FPGS: variants seen among roughly 807,000 people sequenced by gnomAD.
FPGS encodes the protein folylpolyglutamate synthase, also known as folylpolyglutamate synthase, mitochondrial.
FPGS carries 53 observed loss-of-function variants against 66.5 expected under a neutral mutation model. The observed-to-expected ratio is 0.80, with a 90% CI of 0.64 to 1.00. The LOEUF is 1.00. Ranked by LOEUF, FPGS falls within the 50% of genes least tolerant of loss-of-function variation. FPGS has a pLI of 0.00. For missense variants in FPGS, 702 were observed against 807.7 expected, an observed-to-expected ratio of 0.87 and a Z score of 1.59; for synonymous variants, 348 against 350.9, an observed-to-expected ratio of 0.99 and a Z score of 0.09.
rs1476093373 is a variant in FPGS, at chr9:127,802,901, A to G, written c.-24A>G. On this transcript the variant is annotated 5_prime_UTR_variant, in exon 1 of 15. Coordinates refer to ENST00000373247, the MANE Select transcript of FPGS (RefSeq NM_004957.6). ...CGGGGCGTCTCCCGCCCGGGCCTAG[A>G]GCGCTGCCGGGGGCGCCGGGACTAT... The G allele has an allele frequency of 8.2e-6, 11 of 1,341,770 alleles. No homozygotes were observed. The highest frequency in any genetic ancestry group is 1.8e-5 in the South Asian group (1 of 55,340). The allele number at this position is 1,341,770 out of a possible 1,614,324, so 83.1% of individuals were successfully genotyped here. A position where few individuals can be genotyped will look rare whatever the true frequency, so the allele number is the denominator to read the frequency against.
intron 13 of FPGS, 66 bp downstream of exon 13, chr9:127,810,172 T>A: frequency 2.2e-6 from 3 of 1,350,866 alleles, no homozygotes; most frequent in Non-Finnish European, 3.2e-6. Context: ...GGTGTGACCC[T>A]GGGGGGTGCC....
chr9:127,802,999 G>C lies in FPGS; in HGVS notation c.75G>C (p.Gln25His). The change falls in exon 1 of 15, where the codon CAG becomes CAC. Residue 25 changes from glutamine to histidine, a missense_variant. Physicochemically the swap from Gln to His is conservative, Grantham distance 24 (BLOSUM62 0). Around this residue, in one of 3 missense-constraint regions of FPGS, gnomAD observed 111 missense variants for 95.4 expected, o/e 1.16. Coordinates refer to ENST00000373247, the MANE Select transcript of FPGS (RefSeq NM_004957.6). ...AAASARGITT[Q>H]VAARRGLSAW... ...CGTCTGCGCGCGGCATAACGACCCA[G>C]GTCGCGGCGCGGCGGGGCTTGAGCG... 2 of 1,466,628 alleles carry C rather than the reference G, an allele frequency of 1.4e-6. No homozygotes were observed. Among genetic ancestry groups the C allele is most frequent in the Non-Finnish European group, 1.8e-6 (2 of 1,117,908 alleles). 90.9% of individuals were successfully genotyped at this position (1,466,628 alleles called of 1,614,324 possible). A position where few individuals can be genotyped will look rare whatever the true frequency, so the allele number is the denominator to read the frequency against.
chr9:127,806,422 C>T (rs1192972293), intron 4 of FPGS: 1 of 155,410 alleles, frequency 6.4e-6, no homozygotes, highest in Non-Finnish European at 1.4e-5. Context: ...ATGAGAAACG[C>T]TTGAACCTGG....
chr9:127,808,752 G>A (rs1188591943), intron 10 of FPGS, 47 bp downstream of exon 10: 1 of 1,558,098 alleles, frequency 6.4e-7, no homozygotes, highest in Admixed American at 1.9e-5. Flanking sequence ...CACCTGTGGA[G>A]CCTGCCTAGG....
chr9:127,812,102 A>G (rs1402327088), intron 14 of FPGS, among the ~76,000 whole-genome samples: 1 of 152,100 alleles, frequency 6.6e-6, no homozygotes, highest in Non-Finnish European at 1.5e-5. Flanking sequence ...TAGAAGAATT[A>G]GCCAGGTGTG....
intron 14 of FPGS, 29 bp downstream of exon 14, chr9:127,811,040 G>A (rs1474895770): frequency 7.7e-6 from 11 of 1,434,570 alleles, no homozygotes; most frequent in East Asian, 2.4e-5. Flanking sequence ...GGCCCCTGGG[G>A]ATGAGCAGGG....
At position 127,807,237 on chromosome 9, in the gene FPGS, A is replaced by C. The variant is rs758650362; in HGVS notation, c.530A>C (p.Tyr177Ser). ...GGCAGCTGTGTCTCCATGCCCCCCT[A>C]CTTCCGCTTCCTGACACTCATGGCC... ...KDGSCVSMPP[Y>S]FRFLTLMAFH... is the part of the protein sequence containing the mutation. The change falls in exon 6 of 15, where the codon TAC becomes TCC. Residue 177 changes from tyrosine (Y) to serine (S), a missense_variant. Physicochemically the swap from Tyr to Ser is moderately radical, Grantham distance 144. This residue lies in a region of FPGS where 240 missense variants were observed against 348.6 expected (regional missense o/e 0.69). Coordinates refer to ENST00000373247, the MANE Select transcript of FPGS (RefSeq NM_004957.6). The surrounding 1 kb of genome is among the most constrained non-coding windows in gnomAD (Gnocchi z 5.8). The C allele has an allele frequency of 6.2e-7, 1 of 1,614,042 alleles. No individual in the cohort carries two copies. The highest frequency in any genetic ancestry group is 1.1e-5 in the South Asian group (1 of 91,078).
At chr9:127,809,856 G>A in intron 12 of FPGS, 22 bp downstream of exon 12, 2 of 1,413,770 alleles carry the variant, frequency 1.4e-6, no homozygotes, top group Non-Finnish European at 9.4e-7. Context: ...GGCTGGGGGT[G>A]GGGCCGGGGC....
Position 127,813,598 on chromosome 9 carries a change from C to G in FPGS, c.1758C>G (p.Ser586=). The change falls in exon 15 of 15, where the codon TCC becomes TCG. Residue 586 remains serine (S), a synonymous_variant. Transcript: ENST00000373247. ...TGAAGCTGCTGGAGCCCGCACTGTC[C>G]CAGTAGCCAAGGCCCGGGGTTGGAG... ...GVLKLLEPAL[S]Q 1 of 1,518,336 alleles carries G rather than the reference C, an allele frequency of 6.6e-7. No homozygotes were observed. The allele number at this position is 1,518,336 out of a possible 1,614,324, so 94.1% of individuals were successfully genotyped here. A position where few individuals can be genotyped will look rare whatever the true frequency, so the allele number is the denominator to read the frequency against.
At chr9:127,810,127 T>A in intron 13 of FPGS, 21 bp downstream of exon 13, 1 of 1,608,846 alleles carries the variant, frequency 6.2e-7, no homozygotes, top group Non-Finnish European at 8.5e-7. Context: ...AACTTGGGGG[T>A]GGGCGGCAGG....
Position 127,813,877 on chromosome 9 carries a change from C to G in FPGS, c.*273C>G. ...GTTCAGCCTGTCTCCCCCAACACCC[C>G]GCCTGCCTCCTGGCTCAGGCCCAGC... On this transcript the variant is annotated 3_prime_UTR_variant, in exon 15 of 15. Transcript: ENST00000373247. 8.3e-7 allele frequency: 1 copy of G among 1,206,460 alleles called. No homozygotes were observed. The highest frequency in any genetic ancestry group is 1.0e-6 in the Non-Finnish European group (1 of 972,040). 74.7% of individuals were successfully genotyped at this position (1,206,460 alleles called of 1,614,324 possible).
rs763326521 is a variant in FPGS at position 127,808,537 on chromosome 9, G to C, written c.823-21G>C. The C allele has an allele frequency of 1.9e-6, 3 of 1,611,500 alleles. No homozygotes were observed. The South Asian group carries it at 3.3e-5, about 18-fold the overall frequency. ...GGTCAGGGAGGGCCTCTGCTGACCCGCTCCTGCCTGTCTCCCCTAGTGTCC... is the reference window on the plus strand; with the variant it reads ...GGTCAGGGAGGGCCTCTGCTGACCCCCTCCTGCCTGTCTCCCCTAGTGTCC... On this transcript the variant is annotated intron_variant, in intron 9 of 14. Coordinates refer to ENST00000373247, the MANE Select transcript of FPGS (RefSeq NM_004957.6).
chr9:127,805,896 T>G (rs890457062), intron 4 of FPGS, among the ~76,000 whole-genome samples: 3 of 152,246 alleles, frequency 2.0e-5, no homozygotes, highest in Non-Finnish European at 2.9e-5. Flanking sequence ...TCACTCTTCC[T>G]GTGCCACGCA....
In FPGS at chr9:127,807,277, C is replaced by G; in HGVS notation, c.570C>G (p.Leu190=). The G allele has an allele frequency of 6.2e-7, 1 of 1,614,154 alleles. No individual in the cohort carries two copies. Among genetic ancestry groups the G allele is most frequent in the Non-Finnish European group, 8.5e-7 (1 of 1,180,014 alleles). ...FLTLMAFHVF[L]QEKVDLAVVE... Reference sequence around the variant, plus strand: ...CACTCATGGCCTTCCACGTCTTCCTCCAAGAGAAGGTGTGTGCCCTCTCCC... The same window carrying G: ...CACTCATGGCCTTCCACGTCTTCCTGCAAGAGAAGGTGTGTGCCCTCTCCC... Residue 190 remains leucine (L), a synonymous_variant, in exon 6 of 15, where the codon CTC becomes CTG. Coordinates refer to ENST00000373247, the MANE Select transcript of FPGS (RefSeq NM_004957.6). This position sits in a 1 kb window ranked among gnomAD's most constrained non-coding sequence, Gnocchi z 5.8.
At chr9:127,805,108 C>T (rs1966227) in intron 4 of FPGS, among the ~76,000 whole-genome samples, 8,431 of 151,964 alleles carry the variant, frequency 0.055, 757 homozygotes, top group African/African-American at 0.19. Flanking sequence ...AGGCTGTTCT[C>T]GAACTCCTGA....
rs1829726363 is a variant in FPGS, at chr9:127,804,415, T to C, written c.267+2T>C. 6.2e-7 allele frequency: 1 copy of C among 1,613,980 alleles called. No homozygotes were observed. The highest frequency in any genetic ancestry group is 8.5e-7 in the Non-Finnish European group (1 of 1,179,984). On this transcript the variant is annotated splice_donor_variant, in intron 2 of 14. Coordinates refer to ENST00000373247, the MANE Select transcript of FPGS (RefSeq NM_004957.6). LOFTEE classifies it high-confidence loss of function. ...TACCTGGCACGGAGTGGGCTGCAGG[T>C]AAGGTAGAGAGGGCCTGTGACCACC...
At chr9:127,809,001 G>A in intron 11 of FPGS, 112 bp downstream of exon 11, 1 of 829,824 alleles carries the variant, frequency 1.2e-6, no homozygotes, top group Non-Finnish European at 1.9e-6. Flanking sequence ...ACAATTTGAA[G>A]TGGTGCTTAA....
rs750033905 is a variant in FPGS at position 127,813,696 on chromosome 9, C to T, written c.*92C>T. 156 of 1,427,564 alleles carry T rather than the reference C, an allele frequency of 1.1e-4. 1 individual carries two copies. Among genetic ancestry groups the T allele is most frequent in the Non-Finnish European group, 1.4e-4 (150 of 1,091,606 alleles). The allele number at this position is 1,427,564 out of a possible 1,614,324, so 88.4% of individuals were successfully genotyped here. On this transcript the variant is annotated 3_prime_UTR_variant, in exon 15 of 15. Transcript: ENST00000373247. ...CTAGGTGCCTTTTGTTTTTGGCTTT[C>T]CTGGTTCTGTCTAGACTGGCCTAGG...
intron 4 of FPGS, 38 bp from the exon 5 acceptor site, chr9:127,806,935 C>T (rs772592487): frequency 2.8e-5 from 43 of 1,522,182 alleles, no homozygotes; most frequent in African/African-American, 9.6e-5. Context: ...CCAGGACGCT[C>T]GGGAAGGGAG....
Sources: gnomAD v4.1 joint callset for allele counts (sites outside exome capture counted in the v4.1 genomes callset) on GRCh38, gnomAD v4.1.1 for gene constraint, gnomAD v4.1.1 regional missense constraint, Gnocchi (gnomAD v3.1) non-coding constraint, MANE v1.5 for transcripts, NCBI Gene and HGNC (gene_info 2026-07-23, HGNC 2026-07-21) for gene names.